Variants in SEMA3A observed in about 807,000 individuals in gnomAD.
The protein encoded by SEMA3A is semaphorin 3A, also known as semaphorin-3A.
Under a neutral mutation model 97.9 loss-of-function variants are expected in SEMA3A, and 29 were observed. That is an observed-to-expected ratio of 0.30 (90% confidence interval 0.22 to 0.40). The LOEUF (loss-of-function observed/expected upper bound fraction) is 0.40. Among genes scored for constraint, SEMA3A ranks in the 10% least tolerant of loss-of-function variants. The pLI is 1.00. For synonymous variants in SEMA3A, 321 were observed against 323.7 expected, an observed-to-expected ratio of 0.99 and a Z score of 0.09; for missense variants, 763 against 951.3, an observed-to-expected ratio of 0.80 and a Z score of 2.60.
chr7:84,106,440 GTGTAAGTACACTCTAT>G (rs1795111401), intron 4 of SEMA3A, among the ~76,000 whole-genome samples: 1 of 152,090 alleles, frequency 6.6e-6, no homozygotes, highest in African/African-American at 2.4e-5. Flanking sequence ...ATCTAGATTG[GTGTAAGTACACTCTAT>G]GATTTTTGCA....
At chr7:84,177,197 T>A (rs1797594571) in intron 1 of SEMA3A, among the ~76,000 whole-genome samples, 1 of 152,106 alleles carries the variant, frequency 6.6e-6, no homozygotes, top group South Asian at 2.1e-4. Flanking sequence ...GAAGACAGAA[T>A]GAGAAAAAGA....
chr7:84,472,782 C>T (rs1021056022), intron 1 of SEMA3A, among the ~76,000 whole-genome samples: 6 of 152,162 alleles, frequency 3.9e-5, no homozygotes, highest in East Asian at 1.9e-4. Context: ...TAAACCAAAT[C>T]GATCCATATA....
chr7:84,405,644 A>G (rs1322298819), intron 1 of SEMA3A, among the ~76,000 whole-genome samples: 3 of 152,210 alleles, frequency 2.0e-5, no homozygotes, highest in Non-Finnish European at 4.4e-5. Flanking sequence ...CATAGTTGGA[A>G]GTAAAGCACT....
intron 3 of SEMA3A, among the ~76,000 whole-genome samples, chr7:84,272,027 A>G (rs902103495): frequency 2.0e-5 from 3 of 151,940 alleles, no homozygotes; most frequent in African/African-American, 7.3e-5. Flanking sequence ...AGCAGATACT[A>G]TGTGTGTACT....
chr7:84,265,149 T>C (rs1202467330), intron 3 of SEMA3A, among the ~76,000 whole-genome samples: 1 of 152,184 alleles, frequency 6.6e-6, no homozygotes, highest in Non-Finnish European at 1.5e-5. Flanking sequence ...TGAGGACTAA[T>C]AAATGGCAAA....
intron 13 of SEMA3A, among the ~76,000 whole-genome samples, chr7:83,983,214 CTTTTCTTT>C (rs1160534256): frequency 6.8e-6 from 1 of 146,722 alleles, no homozygotes; most frequent in Non-Finnish European, 1.5e-5. Flanking sequence ...TCTTTCTTTC[CTTTTCTTT>C]TTCTTTCTTT....
At chr7:84,002,455 G>A (rs898662384) in intron 11 of SEMA3A, among the ~76,000 whole-genome samples, 1 of 152,136 alleles carries the variant, frequency 6.6e-6, no homozygotes, top group Non-Finnish European at 1.5e-5. Flanking sequence ...ACGTCAGTTT[G>A]TCACGACAGG....
intron 3 of SEMA3A, among the ~76,000 whole-genome samples, chr7:84,116,762 G>A (rs1183881830): frequency 6.6e-6 from 1 of 152,180 alleles, no homozygotes; most frequent in African/African-American, 2.4e-5. Flanking sequence ...GCCAAAGAGA[G>A]GAGGCTCAGA....
intron 5 of SEMA3A, among the ~76,000 whole-genome samples, chr7:84,048,262 C>T (rs1792440659): frequency 1.3e-5 from 2 of 151,920 alleles, no homozygotes; most frequent in Admixed American, 6.6e-5. Flanking sequence ...GAATTGCTCT[C>T]ACTAAAATAT....
intron 6 of SEMA3A, among the ~76,000 whole-genome samples, chr7:84,023,479 A>G (rs1365609839): frequency 2.6e-5 from 4 of 152,334 alleles, no homozygotes; most frequent in Middle Eastern, 3.4e-3. Context: ...CACAAATTAC[A>G]TAAATTTCAT....
At chr7:84,417,421 G>T (rs1310806177) in intron 1 of SEMA3A, among the ~76,000 whole-genome samples, 2 of 151,948 alleles carry the variant, frequency 1.3e-5, no homozygotes, top group Non-Finnish European at 1.5e-5. Flanking sequence ...TCACTTTAAA[G>T]ATTCTGAAAA....
chr7:84,152,023 A>AT, intron 1 of SEMA3A, among the ~76,000 whole-genome samples: 1 of 149,668 alleles, frequency 6.7e-6, no homozygotes, highest in Non-Finnish European at 1.5e-5. Flanking sequence ...AATGGCAATC[A>AT]TTAAAAAGTC....
intron 2 of SEMA3A, among the ~76,000 whole-genome samples, chr7:84,360,473 G>C (rs1408258898): frequency 6.6e-6 from 1 of 152,048 alleles, no homozygotes. Context: ...TCTTAATCCT[G>C]AGTTCTAGTT....
intron 2 of SEMA3A, among the ~76,000 whole-genome samples, chr7:84,133,883 T>C (rs1796038227): frequency 8.5e-6 from 1 of 117,688 alleles, no homozygotes. Flanking sequence ...ACCTCGTCTC[T>C]ACTAAAAAAA....
At chr7:84,062,810 G>T (rs2906193) in intron 4 of SEMA3A, among the ~76,000 whole-genome samples, 50,603 of 151,924 alleles carry the variant, frequency 0.33, 10,175 homozygotes, top group African/African-American at 0.57. Flanking sequence ...AGCAGTCTGA[G>T]ATCAAACTAC....
intron 1 of SEMA3A, among the ~76,000 whole-genome samples, chr7:84,445,820 T>C (rs1289718959): frequency 2.1e-5 from 3 of 145,642 alleles, no homozygotes; most frequent in Non-Finnish European, 4.6e-5. Context: ...TAGGAAAAAA[T>C]ACAGCAAAAG....
chr7:84,358,959 C>T (rs543871076), intron 2 of SEMA3A, among the ~76,000 whole-genome samples: 2 of 152,222 alleles, frequency 1.3e-5, no homozygotes, highest in South Asian at 4.1e-4. Context: ...TATAAGAATG[C>T]TTGTGATTTT....
intron 1 of SEMA3A, among the ~76,000 whole-genome samples, chr7:84,179,288 G>C (rs1325034324): frequency 6.6e-6 from 1 of 151,968 alleles, no homozygotes; most frequent in Non-Finnish European, 1.5e-5. Flanking sequence ...TTCAAAATTG[G>C]CTCCCATTGT....
At chr7:84,117,545 G>A (rs1461971069) in intron 3 of SEMA3A, among the ~76,000 whole-genome samples, 4 of 152,186 alleles carry the variant, frequency 2.6e-5, no homozygotes, top group African/African-American at 9.7e-5. Flanking sequence ...TCCGCCTTCT[G>A]TCTGATCAGC....
Sources: gnomAD v4.1 joint callset for allele counts (sites outside exome capture counted in the v4.1 genomes callset) on GRCh38, gnomAD v4.1.1 for gene constraint, MANE v1.5 for transcripts, NCBI Gene and HGNC (gene_info 2026-07-23, HGNC 2026-07-21) for gene names.